Variants in ITGA9 observed in about 807,000 individuals in gnomAD.
ITGA9 encodes the protein integrin subunit alpha 9, also known as integrin alpha-9.
Under a neutral mutation model 127.8 loss-of-function variants are expected in ITGA9, and 56 were observed. The observed-to-expected ratio is 0.44, with a 90% confidence interval of 0.35 to 0.55. The LOEUF is 0.55. Among genes scored for constraint, ITGA9 ranks in the 20% least tolerant of loss-of-function variants. ITGA9 has a pLI of 0.00. For missense variants in ITGA9, 1,196 were observed against 1,347.1 expected (o/e 0.89, Z 1.76); for synonymous variants, 508 against 514.5 (o/e 0.99, Z 0.17).
Position 37,799,596 on chromosome 3 carries a change from C to T in ITGA9, c.2890-4227C>T, listed in dbSNP as rs1697212414. Among the ~76,000 whole-genome samples, 1 of 151,980 alleles carries T rather than the reference C, an allele frequency of 6.6e-6. No homozygotes were observed. On this transcript the variant is annotated intron_variant, in intron 26 of 27. Transcript: ENST00000264741. The surrounding 1 kb of genome is among the most constrained non-coding windows in gnomAD (Gnocchi z 4.0). ...AGGAAGGAGACCAGAGTATGAAGGC[C>T]CTGGTGTCCTGAATTAGATGCTCAG...
intron 8 of ITGA9, among the ~76,000 whole-genome samples, chr3:37,510,369 C>T (rs115863526): frequency 6.6e-6 from 1 of 152,118 alleles, no homozygotes; most frequent in South Asian, 2.1e-4. Flanking sequence ...GCTGTGCCCC[C>T]CCAAACTGCT....
chr3:37,570,043 T>G (rs1699585498), intron 15 of ITGA9, among the ~76,000 whole-genome samples: 2 of 152,270 alleles, frequency 1.3e-5, no homozygotes, highest in African/African-American at 4.8e-5. Context: ...CACACAACTG[T>G]GAGAGCCCAG....
At chr3:37,724,398 A>G (rs1701224354) in intron 18 of ITGA9, among the ~76,000 whole-genome samples, 1 of 152,170 alleles carries the variant, frequency 6.6e-6, no homozygotes, top group Non-Finnish European at 1.5e-5. Flanking sequence ...TCTTGGAACA[A>G]TTTATTTATA....
intron 26 of ITGA9, chr3:37,790,117 G>A (rs758775150): frequency 1.4e-5 from 8 of 556,800 alleles, no homozygotes; most frequent in African/African-American, 1.9e-5. Flanking sequence ...TTTGCCTTTG[G>A]GAATGCTCTT....
intron 11 of ITGA9, 75 bp from the exon 12 acceptor site, chr3:37,523,446 G>T: frequency 8.8e-7 from 1 of 1,136,488 alleles, no homozygotes; most frequent in Non-Finnish European, 1.3e-6. Flanking sequence ...AGGGAAGCTG[G>T]AATAAAGCAG....
chr3:37,619,583 G>A (rs962297464), intron 15 of ITGA9, among the ~76,000 whole-genome samples: 4 of 152,200 alleles, frequency 2.6e-5, no homozygotes, highest in African/African-American at 9.6e-5. Context: ...AGGGAATGGG[G>A]CAGGTATTAG....
At chr3:37,546,166 T>C (rs958633767) in intron 15 of ITGA9, among the ~76,000 whole-genome samples, 1 of 152,126 alleles carries the variant, frequency 6.6e-6, no homozygotes. Flanking sequence ...AGAAAGTAAC[T>C]GTAAAAATAA....
At position 37,716,066 on chromosome 3, in the gene ITGA9, G is replaced by A. The variant is rs151201222; in HGVS notation, c.2068-16646G>A. Reference sequence around the variant, plus strand: ...GACTTTGGCACCGTCTAAAGTATAGGTCACATCTCACTGTCCCAATCAGGG... The same window carrying A: ...GACTTTGGCACCGTCTAAAGTATAGATCACATCTCACTGTCCCAATCAGGG... On this transcript the variant is annotated intron_variant, in intron 18 of 27. Transcript: ENST00000264741. 3.7e-3 allele frequency among the ~76,000 whole-genome samples: 556 copies of A among 152,320 alleles called. 5 individuals are homozygous for A. The highest frequency in any genetic ancestry group is 0.013 in the African/African-American group (527 of 41,566).
intron 1 of ITGA9, among the ~76,000 whole-genome samples, chr3:37,466,106 C>T (rs1698367160): frequency 6.6e-6 from 1 of 152,098 alleles, no homozygotes; most frequent in South Asian, 2.1e-4. Flanking sequence ...GAGCCTAACC[C>T]AGCACCTGCA....
chr3:37,780,077 C>T, intron 25 of ITGA9, 56 bp downstream of exon 25: 1 of 1,604,794 alleles, frequency 6.2e-7, no homozygotes, highest in Non-Finnish European at 8.5e-7. Context: ...GAATTGTTGA[C>T]ATCTGATTTT....
chr3:37,621,395 C>G (rs182718578), intron 15 of ITGA9, among the ~76,000 whole-genome samples: 175 of 152,314 alleles, frequency 1.1e-3, no homozygotes, highest in African/African-American at 3.9e-3. Context: ...TCGTTGTTCC[C>G]CCATACCCAC....
chr3:37,456,281 A>T (rs1167206190), intron 1 of ITGA9, among the ~76,000 whole-genome samples: 1 of 152,022 alleles, frequency 6.6e-6, no homozygotes, highest in Non-Finnish European at 1.5e-5. Context: ...TTCTAATAAC[A>T]CCCAGAGTGT....
intron 3 of ITGA9, among the ~76,000 whole-genome samples, chr3:37,476,538 G>A (rs1698496905): frequency 6.6e-6 from 1 of 152,184 alleles, no homozygotes; most frequent in South Asian, 2.1e-4. Context: ...AAATTGGATT[G>A]TTTGGTTTTT....
intron 9 of ITGA9, 64 bp downstream of exon 9, chr3:37,513,964 T>A (rs535999037): frequency 8.1e-6 from 13 of 1,601,762 alleles, no homozygotes; most frequent in Middle Eastern, 2.2e-4. Flanking sequence ...CAGCCAGCAG[T>A]GGCCGAGCAC....
chr3:37,737,738 C>G (rs1214621988), intron 20 of ITGA9, among the ~76,000 whole-genome samples: 2 of 152,126 alleles, frequency 1.3e-5, no homozygotes, highest in Admixed American at 1.3e-4. Flanking sequence ...TGGTTGGACA[C>G]CCAAGGCAAC....
At chr3:37,696,935 T>G (rs920875908) in intron 18 of ITGA9, among the ~76,000 whole-genome samples, 2 of 152,132 alleles carry the variant, frequency 1.3e-5, no homozygotes, top group East Asian at 1.9e-4. Context: ...GGTCAGGATA[T>G]GCATTTTAAC....
intron 15 of ITGA9, among the ~76,000 whole-genome samples, chr3:37,607,533 C>T (rs1398710111): frequency 6.6e-6 from 1 of 152,086 alleles, no homozygotes; most frequent in Non-Finnish European, 1.5e-5. Context: ...CAGATTAAGG[C>T]ACCAGCATTC....
At chr3:37,527,730 C>T (rs995556734) in intron 13 of ITGA9, among the ~76,000 whole-genome samples, 3 of 151,960 alleles carry the variant, frequency 2.0e-5, no homozygotes, top group African/African-American at 7.2e-5. Context: ...TGTCAGGATT[C>T]TTCTCAAATA....
chr3:37,692,371 T>C (rs1248221461), intron 18 of ITGA9, among the ~76,000 whole-genome samples: 1 of 151,590 alleles, frequency 6.6e-6, no homozygotes, highest in Admixed American at 6.6e-5. Flanking sequence ...AAGCCAAAAA[T>C]TATCAGTCAT....
Sources: allele counts gnomAD v4.1 joint callset (sites outside exome capture counted in the v4.1 genomes callset), GRCh38; gene constraint gnomAD v4.1.1; non-coding constraint Gnocchi (gnomAD v3.1); transcripts MANE v1.5; gene names NCBI Gene and HGNC (gene_info 2026-07-23, HGNC 2026-07-21).